The following MMP2 variants were observed in gnomAD, a reference collection of about 807,000 sequenced individuals.
MMP2 encodes the protein 72 kDa type IV collagenase.
In MMP2, 39 loss-of-function variants were observed where a neutral mutation model predicts 74.8. The ratio of observed to expected loss-of-function variants is 0.52; its 90% CI spans 0.40 to 0.68. The LOEUF (loss-of-function observed/expected upper bound fraction) is 0.68. Among genes scored for constraint, MMP2 ranks in the 30% least tolerant of loss-of-function variants. The pLI, the probability that MMP2 is intolerant of heterozygous loss-of-function variation, is 0.00. For synonymous variants in MMP2, 367 were observed against 339.8 expected (o/e 1.08, Z -0.88); for missense variants, 803 against 878.3 (o/e 0.91, Z 1.08).
chr16:55,496,287 G>A lies in MMP2; in HGVS notation c.1473-639G>A, dbSNP rs1962526497. Among the ~76,000 whole-genome samples, 3 of 152,180 alleles carry A rather than the reference G, an allele frequency of 2.0e-5. No homozygotes were observed. In the South Asian group the frequency reaches 6.2e-4, roughly 32 times the overall value. On this transcript the variant is annotated intron_variant, in intron 9 of 12. Transcript: ENST00000219070. Reference sequence around the variant, plus strand: ...ATCAGTATCTACCCCTAGAATGGGGGTAGGGGACACAGGGTCAGAGGAGGT... The same window carrying A: ...ATCAGTATCTACCCCTAGAATGGGGATAGGGGACACAGGGTCAGAGGAGGT...
At position 55,488,534 on chromosome 16, in the gene MMP2, C is replaced by T. The variant is rs367980862; in HGVS notation, c.833-9C>T. On this transcript the variant is annotated splice_polypyrimidine_tract_variant and intron_variant, in intron 5 of 12. Transcript: ENST00000219070. The stretch of plus-strand genomic sequence containing the variant: ...CATTCACATCCTTCCCTCTCTCCCC[C>T]ACCCTTAGCCCTGTTCACCATGGGC... The T allele has an allele frequency of 1.6e-5, 26 of 1,613,386 alleles. No individual in the cohort carries two copies. The highest frequency in any genetic ancestry group is 6.7e-5 in the East Asian group (3 of 44,834).
In MMP2 at chr16:55,497,001, C is replaced by A. The variant is rs41521545; in HGVS notation, c.1548C>A (p.Leu516=). The stretch of plus-strand genomic sequence containing the variant: ...TGGTGGCCACATTCTGGCCTGAGCT[C>A]CCGGAAAAGATTGATGCGGTATACG... ...PLLVATFWPE[L]PEKIDAVYEA... Residue 516 remains leucine, a synonymous_variant, in exon 10 of 13, where the codon CTC becomes CTA. Coordinates refer to ENST00000219070, the MANE Select transcript of MMP2 (RefSeq NM_004530.6). 2 of 1,614,054 alleles carry A rather than the reference C, an allele frequency of 1.2e-6. No individual in the cohort carries two copies. The highest frequency in any genetic ancestry group is 2.7e-5 in the African/African-American group (2 of 74,914).
intron 6 of MMP2, 85 bp downstream of exon 6, chr16:55,488,801 C>T: frequency 7.1e-7 from 1 of 1,399,764 alleles, no homozygotes; most frequent in Non-Finnish European, 9.8e-7. Context: ...GAGTGCCCAC[C>T]TCCTTTCCCC....
In MMP2 at chr16:55,496,969, C is replaced by T. The variant is rs756380886; in HGVS notation, c.1516C>T (p.Pro506Ser). 1.2e-6 allele frequency: 2 copies of T among 1,614,154 alleles called. No individual in the cohort carries two copies. The highest frequency in any genetic ancestry group is 1.3e-5 in the African/African-American group (1 of 75,056). The change falls in exon 10 of 13, where the codon CCC (proline) becomes TCC (serine). Residue 506 changes from proline (P) to serine (S), a missense_variant. Coordinates refer to ENST00000219070, the MANE Select transcript of MMP2 (RefSeq NM_004530.6). ...GACGCCACGTGACAAGCCCATGGGGCCCCTGCTGGTGGCCACATTCTGGCC... is the reference window on the plus strand; with the variant it reads ...GACGCCACGTGACAAGCCCATGGGGTCCCTGCTGGTGGCCACATTCTGGCC... Reference protein sequence around the residue: ...TVTPRDKPMGPLLVATFWPEL... With the variant: ...TVTPRDKPMGSLLVATFWPEL...
Position 55,505,343 on chromosome 16 carries a change from C to T in MMP2, c.1884C>T (p.His628=), listed in dbSNP as rs1243437205. The T allele has an allele frequency of 3.1e-6, 5 of 1,613,612 alleles. No homozygotes were observed. Among genetic ancestry groups the T allele is most frequent in the East Asian group, 2.2e-5 (1 of 44,884 alleles). Residue 628 remains histidine, a synonymous_variant, in exon 13 of 13, where the codon CAC becomes CAT. Coordinates refer to ENST00000219070, the MANE Select transcript of MMP2 (RefSeq NM_004530.6). ...DAVVDLQGGG[H]SYFFKGAYYL... ...TCTCTTCTTTCTCTATCCCAGGTCA[C>T]AGCTACTTCTTCAAGGGTGCCTATT...
intron 7 of MMP2, among the ~76,000 whole-genome samples, chr16:55,491,416 G>A (rs558821697): frequency 6.6e-6 from 1 of 152,102 alleles, no homozygotes; most frequent in African/African-American, 2.4e-5. Context: ...AGAGGCTGAG[G>A]AGCTGGGTTT....
rs1334439444 is a variant in MMP2, at chr16:55,505,392, C to T, written c.1933C>T (p.Leu645=). 2 of 1,614,156 alleles carry T rather than the reference C, an allele frequency of 1.2e-6. No individual in the cohort carries two copies. The highest frequency in any genetic ancestry group is 1.7e-5 in the Admixed American group (1 of 60,026). Residue 645 remains leucine, a synonymous_variant, in exon 13 of 13, where the codon CTG becomes TTG. Transcript: ENST00000219070. ...AYYLKLENQS[L]KSVKFGSIKS... ...TTACCTGAAGCTGGAGAACCAAAGT[C>T]TGAAGAGCGTGAAGTTTGGAAGCAT...
chr16:55,496,215 T>C (rs1287862936), intron 9 of MMP2, among the ~76,000 whole-genome samples: 1 of 152,352 alleles, frequency 6.6e-6, no homozygotes, highest in East Asian at 1.9e-4. Context: ...GTGACGCAGA[T>C]GCTGCTGGTC....
chr16:55,505,435 G>A lies in MMP2; in HGVS notation c.1976G>A (p.Gly659Asp). The A allele has an allele frequency of 6.2e-7, 1 of 1,613,888 alleles. No homozygotes were observed. Among genetic ancestry groups the A allele is most frequent in the Non-Finnish European group, 8.5e-7 (1 of 1,179,852 alleles). ...GGAAGCATCAAATCCGACTGGCTAG[G>A]CTGCTGAGCTGGCCCTGGCTCCCAC... ...KFGSIKSDWL[G>D]C is the part of the protein sequence containing the mutation. Residue 659 changes from glycine to aspartate, a missense_variant, in exon 13 of 13, where the codon GGC becomes GAC. Gly to Asp is a moderately conservative substitution (Grantham distance 94). Coordinates refer to ENST00000219070, the MANE Select transcript of MMP2 (RefSeq NM_004530.6).
In MMP2 at chr16:55,488,682, C is replaced by T. The variant is rs1262851148; in HGVS notation, c.972C>T (p.Asp324=). 2.5e-6 allele frequency: 4 copies of T among 1,611,140 alleles called. No individual in the cohort carries two copies. Among genetic ancestry groups the T allele is most frequent in the Admixed American group, 1.7e-5 (1 of 59,802 alleles). ...YRWCGTTEDY[D]RDKKYGFCPE... Reference sequence around the variant, plus strand: ...GGTGCGGCACCACTGAGGACTACGACCGCGACAAGAAGTATGGCTTCTGCC... The same window carrying T: ...GGTGCGGCACCACTGAGGACTACGATCGCGACAAGAAGTATGGCTTCTGCC... The change falls in exon 6 of 13, where the codon GAC becomes GAT. Residue 324 remains aspartate, a synonymous_variant. Coordinates refer to ENST00000219070, the MANE Select transcript of MMP2 (RefSeq NM_004530.6).
At chr16:55,500,840 G>A (rs1962651774) in intron 11 of MMP2, among the ~76,000 whole-genome samples, 1 of 152,224 alleles carries the variant, frequency 6.6e-6, no homozygotes, top group Admixed American at 6.5e-5. Context: ...GAAGGAGAGA[G>A]AGCCCCAGAG....
At chr16:55,485,819 C>T (rs1962234485) in intron 5 of MMP2, 42 bp downstream of exon 5, 3 of 1,603,390 alleles carry the variant, frequency 1.9e-6, no homozygotes, top group Non-Finnish European at 2.5e-6. Flanking sequence ...CACCCCAAGC[C>T]TCCAGCTTCC....
chr16:55,505,517 C>A lies in MMP2; in HGVS notation c.*75C>A. ...CGGGCCTGGAGAACTAGAGAAGGAC[C>A]CGGAGGGGCCTGGCAGCCGTGCCTT... On this transcript the variant is annotated 3_prime_UTR_variant, in exon 13 of 13. Transcript: ENST00000219070. 2 of 1,294,310 alleles carry A rather than the reference C, an allele frequency of 1.5e-6. No individual in the cohort carries two copies. The highest frequency in any genetic ancestry group is 2.2e-6 in the Non-Finnish European group (2 of 890,530). 80.2% of individuals were successfully genotyped at this position (1,294,310 alleles called of 1,614,324 possible).
Position 55,495,424 on chromosome 16 carries a change from T to C in MMP2, c.1473-1502T>C, listed in dbSNP as rs142515454. 5.2e-4 allele frequency among the ~76,000 whole-genome samples: 79 copies of C among 152,280 alleles called. 1 individual carries two copies. Among genetic ancestry groups the C allele is most frequent in the African/African-American group, 1.9e-3 (78 of 41,550 alleles). ...GGTTTATTTGATTAACCAGTAAATATTAAACTTCAACCATGAGCAAAAATT... is the reference window on the plus strand; with the variant it reads ...GGTTTATTTGATTAACCAGTAAATACTAAACTTCAACCATGAGCAAAAATT... On this transcript the variant is annotated intron_variant, in intron 9 of 12. Coordinates refer to ENST00000219070, the MANE Select transcript of MMP2 (RefSeq NM_004530.6).
intron 11 of MMP2, among the ~76,000 whole-genome samples, chr16:55,501,969 T>C (rs1962677639): frequency 6.6e-6 from 1 of 152,042 alleles, no homozygotes; most frequent in Non-Finnish European, 1.5e-5. Context: ...TTTAAAAAGT[T>C]CTCCAAAAAT....
chr16:55,496,857 G>C (rs563820196), intron 9 of MMP2, 69 bp from the exon 10 acceptor site: 2 of 1,600,364 alleles, frequency 1.2e-6, no homozygotes, highest in Admixed American at 3.3e-5. Flanking sequence ...GTGGGTTTGG[G>C]GGTGTGTGTG....
chr16:55,488,426 A>C, intron 5 of MMP2, 117 bp from the exon 6 acceptor site: 1 of 1,021,146 alleles, frequency 9.8e-7, no homozygotes, highest in Non-Finnish European at 1.5e-6. Flanking sequence ...ATGTTTTCTT[A>C]ATATTTTAAC....
chr16:55,494,511 T>G (rs1430757368), intron 9 of MMP2, among the ~76,000 whole-genome samples: 1 of 152,006 alleles, frequency 6.6e-6, no homozygotes, highest in African/African-American at 2.4e-5. Context: ...CTCGGGACAG[T>G]GGGGTGGGGG....
In MMP2 at chr16:55,479,511, C is replaced by G; in HGVS notation, c.32C>G (p.Thr11Arg). Residue 11 changes from threonine (T) to arginine (R), a missense_variant, in exon 1 of 13, where the codon ACG becomes AGG. Thr to Arg is a moderately conservative substitution (Grantham distance 71, BLOSUM62 -1). This residue lies in a region of MMP2 where 223 missense variants were observed against 232.8 expected (regional missense o/e 0.96). Transcript: ENST00000219070. Reference sequence around the variant, plus strand: ...GCGCTAATGGCCCGGGGCGCGCTCACGGGTCCCCTGAGGGCGCTCTGTCTC... The same window carrying G: ...GCGCTAATGGCCCGGGGCGCGCTCAGGGGTCCCCTGAGGGCGCTCTGTCTC... MEALMARGAL[T>R]GPLRALCLLG... 6.3e-7 allele frequency: 1 copy of G among 1,599,172 alleles called. No individual in the cohort carries two copies. Among genetic ancestry groups the G allele is most frequent in the Non-Finnish European group, 8.5e-7 (1 of 1,173,310 alleles).
Sources: allele counts gnomAD v4.1 joint callset (sites outside exome capture counted in the v4.1 genomes callset), GRCh38; gene constraint gnomAD v4.1.1; regional missense constraint gnomAD v4.1.1; transcripts MANE v1.5; gene names NCBI Gene and HGNC (gene_info 2026-07-23, HGNC 2026-07-21).